RPAP3: variants seen among roughly 807,000 people sequenced by gnomAD.
RPAP3 encodes the protein RNA polymerase II-associated protein 3.
In RPAP3, 58 loss-of-function variants were observed where a neutral mutation model predicts 88.8. That is an observed-to-expected ratio of 0.65 (90% CI 0.53 to 0.81). RPAP3 has a LOEUF of 0.81. Ranked by LOEUF, RPAP3 falls within the 40% of genes least tolerant of loss-of-function variation. The probability of loss-of-function intolerance (pLI) is 0.00; values close to 1 mark genes in which losing one functional copy is unlikely to be tolerated. For synonymous variants in RPAP3, 255 were observed against 259.9 expected (o/e 0.98, Z 0.18); for missense variants, 751 against 764.3 (o/e 0.98, Z 0.20).
At chr12:47,697,509 A>G in intron 4 of RPAP3, 88 bp downstream of exon 4, 1 of 1,284,546 alleles carries the variant, frequency 7.8e-7, no homozygotes, top group East Asian at 2.4e-5. Context: ...AACACGTACT[A>G]AAACTATGCT....
intron 15 of RPAP3, among the ~76,000 whole-genome samples, chr12:47,667,327 C>T (rs984425833): frequency 3.9e-5 from 6 of 152,184 alleles, no homozygotes; most frequent in African/African-American, 1.4e-4. Flanking sequence ...CCATACCCTA[C>T]TTTTCTCTAC....
intron 12 of RPAP3, among the ~76,000 whole-genome samples, chr12:47,678,873 A>C (rs1939167856): frequency 6.6e-6 from 1 of 152,246 alleles, no homozygotes; most frequent in Admixed American, 6.5e-5. Flanking sequence ...TAGAATTACC[A>C]TTTGACCCAG....
chr12:47,698,545 GCT>G (rs2136642445), intron 3 of RPAP3, among the ~76,000 whole-genome samples: 1 of 151,700 alleles, frequency 6.6e-6, no homozygotes, highest in South Asian at 2.1e-4. Context: ...ACAGCATCTG[GCT>G]CTGTTGCCTA....
intron 12 of RPAP3, among the ~76,000 whole-genome samples, chr12:47,674,084 TAAAAAAAA>T (rs34101861): frequency 8.1e-6 from 1 of 123,318 alleles, no homozygotes; most frequent in South Asian, 2.7e-4. Context: ...TTAAAGATTC[TAAAAAAAA>T]AAAAAAAAAA....
intron 2 of RPAP3, among the ~76,000 whole-genome samples, chr12:47,702,008 TTTGG>T (rs1325822234): frequency 6.6e-6 from 1 of 152,202 alleles, no homozygotes; most frequent in Non-Finnish European, 1.5e-5. Context: ...AAGAAAAACT[TTTGG>T]TTGAACCTAG....
chr12:47,703,202 C>G (rs1238649984), intron 1 of RPAP3, among the ~76,000 whole-genome samples: 1 of 152,132 alleles, frequency 6.6e-6, no homozygotes, highest in Admixed American at 6.5e-5. Flanking sequence ...CATTTAACTT[C>G]TACTATGTGA....
chr12:47,662,322 G>GTT lies in RPAP3; in HGVS notation c.*1182_*1183insAA, dbSNP rs1330903925. ...ACAAAGTTAATAAACTCTATCAAGTGTATTTTAAAGCATTCAAACTATCCA... is the reference window on the plus strand; with the variant it reads ...ACAAAGTTAATAAACTCTATCAAGTGTTTATTTTAAAGCATTCAAACTATCCA... On this transcript the variant is annotated 3_prime_UTR_variant, in exon 17 of 17. Coordinates refer to ENST00000005386, the MANE Select transcript of RPAP3 (RefSeq NM_024604.3). 1 of 152,172 alleles carries GTT rather than the reference G, an allele frequency of 6.6e-6. No individual in the cohort carries two copies. The allele number at this position is 152,172 out of a possible 1,614,324, so 9.4% of individuals were successfully genotyped here. A position where few individuals can be genotyped will look rare whatever the true frequency, so the allele number is the denominator to read the frequency against.
chr12:47,669,245 G>T, intron 13 of RPAP3, 143 bp from the exon 14 acceptor site: 1 of 542,378 alleles, frequency 1.8e-6, no homozygotes, highest in Non-Finnish European at 3.2e-6. Flanking sequence ...AATTATTTCA[G>T]CTAATAATAT....
rs1938771865 is a variant in RPAP3 at position 47,662,100 on chromosome 12, A to T, written c.*1405T>A. 6.6e-6 allele frequency: 1 copy of T among 152,116 alleles called. No homozygotes were observed. Among genetic ancestry groups the T allele is most frequent in the South Asian group, 2.1e-4 (1 of 4,820 alleles). The allele number at this position is 152,116 out of a possible 1,614,324, so 9.4% of individuals were successfully genotyped here. The stretch of plus-strand genomic sequence containing the variant: ...CCTTACATGGTGTAATTGGTGAACA[A>T]GCTCTCTGGGGCCTCTTTTACAAGG... On this transcript the variant is annotated 3_prime_UTR_variant, in exon 17 of 17. Coordinates refer to ENST00000005386, the MANE Select transcript of RPAP3 (RefSeq NM_024604.3).
At chr12:47,680,419 T>A (rs1445243044) in intron 10 of RPAP3, among the ~76,000 whole-genome samples, 1 of 152,138 alleles carries the variant, frequency 6.6e-6, no homozygotes, top group Admixed American at 6.6e-5. Flanking sequence ...GCCACTGAGC[T>A]ATATATTGAA....
chr12:47,701,867 C>T (rs1440056084), intron 2 of RPAP3, among the ~76,000 whole-genome samples: 1 of 152,082 alleles, frequency 6.6e-6, no homozygotes, highest in Non-Finnish European at 1.5e-5. Context: ...ATTTGCAATC[C>T]TAAATTCAAA....
intron 1 of RPAP3, among the ~76,000 whole-genome samples, chr12:47,705,157 G>C: frequency 6.6e-6 from 1 of 152,186 alleles, no homozygotes; most frequent in East Asian, 1.9e-4. Flanking sequence ...TCTCCAAAAA[G>C]GTAGGAGAAG....
At chr12:47,689,764 G>A (rs1201822707) in intron 6 of RPAP3, among the ~76,000 whole-genome samples, 4 of 152,068 alleles carry the variant, frequency 2.6e-5, no homozygotes, top group Admixed American at 6.6e-5. Flanking sequence ...GAAGCAGGCC[G>A]GGCGCAGTGG....
At chr12:47,670,567 G>A (rs899791580) in intron 12 of RPAP3, among the ~76,000 whole-genome samples, 6 of 152,118 alleles carry the variant, frequency 3.9e-5, no homozygotes, top group East Asian at 1.9e-4. Flanking sequence ...ACATGTATAC[G>A]TAAATATATA....
rs779043728 is a variant in RPAP3 at position 47,679,708 on chromosome 12, T to C, written c.1181A>G (p.Lys394Arg). 2.9e-5 allele frequency: 46 copies of C among 1,602,490 alleles called. No individual in the cohort carries two copies. The highest frequency in any genetic ancestry group is 3.9e-5 in the Non-Finnish European group (46 of 1,173,178). ...KQAVTELSKI[K>R]KELIEKGHWD... Reference sequence around the variant, plus strand: ...TGGGTGAAAAGAATACATTACCTTTTTAATTTTGGAGAGTTCAGTTACTGC... The same window carrying C: ...TGGGTGAAAAGAATACATTACCTTTCTAATTTTGGAGAGTTCAGTTACTGC... Residue 394 changes from lysine to arginine, a missense_variant, in exon 11 of 17, where the codon AAA becomes AGA. Physicochemically the swap from Lys to Arg is conservative, Grantham distance 26. Coordinates refer to ENST00000005386, the MANE Select transcript of RPAP3 (RefSeq NM_024604.3).
At chr12:47,678,495 A>G (rs1002775537) in intron 12 of RPAP3, among the ~76,000 whole-genome samples, 3 of 152,230 alleles carry the variant, frequency 2.0e-5, no homozygotes, top group African/African-American at 7.2e-5. Flanking sequence ...TTTGCAATCT[A>G]CCCTCTGACA....
intron 16 of RPAP3, among the ~76,000 whole-genome samples, chr12:47,666,074 G>A (rs1343839645): frequency 6.6e-6 from 1 of 151,992 alleles, no homozygotes; most frequent in African/African-American, 2.4e-5. Flanking sequence ...AGTACAGGAG[G>A]TATCTGAAAA....
intron 15 of RPAP3, 128 bp downstream of exon 15, chr12:47,667,626 G>T: frequency 3.7e-6 from 2 of 542,832 alleles, no homozygotes; most frequent in East Asian, 3.0e-5. Flanking sequence ...TTTTACCATA[G>T]GCCAATTGAC....
At chr12:47,674,809 T>G (rs369910274) in intron 12 of RPAP3, among the ~76,000 whole-genome samples, 1 of 152,120 alleles carries the variant, frequency 6.6e-6, no homozygotes. Flanking sequence ...TGGAACCACA[T>G]TGGAAAACAC....
Sources: allele counts gnomAD v4.1 joint callset (sites outside exome capture counted in the v4.1 genomes callset), GRCh38; gene constraint gnomAD v4.1.1; transcripts MANE v1.5; gene names NCBI Gene and HGNC (gene_info 2026-07-23, HGNC 2026-07-21).